Variants in PKD2L2 observed in about 807,000 individuals in gnomAD.
PKD2L2 encodes polycystin-2-like protein 2.
A neutral mutation model predicts 83.9 loss-of-function variants in PKD2L2; 67 were observed. The observed-to-expected ratio is 0.80, with a 90% CI of 0.66 to 0.98. The LOEUF is 0.98. Ranked by LOEUF, PKD2L2 falls within the 50% of genes least tolerant of loss-of-function variation. The pLI is 0.00. For missense variants in PKD2L2, 632 were observed against 717.2 expected, an observed-to-expected ratio of 0.88 and a Z score of 1.36; for synonymous variants, 223 against 237.8, an observed-to-expected ratio of 0.94 and a Z score of 0.57.
At chr5:137,918,578 T>A (rs1758588984) in intron 8 of PKD2L2, among the ~76,000 whole-genome samples, 1 of 152,200 alleles carries the variant, frequency 6.6e-6, no homozygotes, top group Non-Finnish European at 1.5e-5. Context: ...ATAAGCTACA[T>A]GCAAGCTGCT....
Position 137,892,396 on chromosome 5 carries a change from A to T in PKD2L2, c.134-84A>T, listed in dbSNP as rs1461904968. On this transcript the variant is annotated intron_variant, in intron 2 of 14. Transcript: ENST00000508883. ...AGATTAATAAAGTTTAATTTTCAAAATTGAGAAAAAAATGTAACATTTTTA... is the reference window on the plus strand; with the variant it reads ...AGATTAATAAAGTTTAATTTTCAAATTTGAGAAAAAAATGTAACATTTTTA... 8.6e-6 allele frequency: 6 copies of T among 693,964 alleles called. No homozygotes were observed. In the East Asian group the frequency reaches 1.0e-4, roughly 12 times the overall value. The allele number at this position is 693,964 out of a possible 1,614,324, so 43.0% of individuals were successfully genotyped here.
chr5:137,906,290 C>CTATG lies in PKD2L2; in HGVS notation c.832_835dup (p.Asp279ValfsTer2). Reference sequence around the variant, plus strand: ...TGAAGCTCCTCAGATATGTTAGCTACTATGACTATTTTATTGCTTCCTGTG... The same window carrying CTATG: ...TGAAGCTCCTCAGATATGTTAGCTACTATGTATGACTATTTTATTGCTTCCTGTG... On this transcript the variant is annotated frameshift_variant, in exon 6 of 15. Coordinates refer to ENST00000508883, the MANE Select transcript of PKD2L2 (RefSeq NM_001300921.2). LOFTEE classifies it high-confidence loss of function. The CTATG allele has an allele frequency of 1.2e-6, 2 of 1,611,106 alleles. No individual in the cohort carries two copies. Among genetic ancestry groups the CTATG allele is most frequent in the Non-Finnish European group, 1.7e-6 (2 of 1,177,394 alleles).
intron 8 of PKD2L2, among the ~76,000 whole-genome samples, chr5:137,918,676 T>C (rs1758597633): frequency 6.6e-6 from 1 of 152,056 alleles, no homozygotes; most frequent in African/African-American, 2.4e-5. Flanking sequence ...TGTCCAAAAT[T>C]AACAGCAATT....
intron 12 of PKD2L2, among the ~76,000 whole-genome samples, chr5:137,933,899 C>A (rs575694959): frequency 6.6e-6 from 1 of 152,150 alleles, no homozygotes; most frequent in Non-Finnish European, 1.5e-5. Context: ...GAATCCCAAA[C>A]GGTCAAGTGG....
chr5:137,913,586 G>A (rs1324442925), intron 8 of PKD2L2, among the ~76,000 whole-genome samples: 1 of 150,888 alleles, frequency 6.6e-6, no homozygotes, highest in Non-Finnish European at 1.5e-5. Flanking sequence ...CACCTCCCAG[G>A]TTCAAGCGAT....
intron 6 of PKD2L2, 77 bp from the exon 7 acceptor site, chr5:137,907,665 T>G (rs1757471751): frequency 3.7e-6 from 3 of 811,392 alleles, no homozygotes; most frequent in South Asian, 7.9e-5. Flanking sequence ...GAACTTTTTT[T>G]GTGTTTCCTC....
chr5:137,921,140 C>T, intron 8 of PKD2L2, among the ~76,000 whole-genome samples: 1 of 152,022 alleles, frequency 6.6e-6, no homozygotes, highest in Non-Finnish European at 1.5e-5. Context: ...GTGGGCGGAT[C>T]ACTTGAGGCC....
chr5:137,924,099 A>G (rs1258693102), intron 10 of PKD2L2, among the ~76,000 whole-genome samples: 1 of 152,144 alleles, frequency 6.6e-6, no homozygotes, highest in Non-Finnish European at 1.5e-5. Flanking sequence ...CCACTAGATG[A>G]GGCTTTCAGT....
Position 137,892,593 on chromosome 5 carries a change from A to G in PKD2L2, c.247A>G (p.Ser83Gly). Residue 83 changes from serine to glycine, a missense_variant, in exon 3 of 15, where the codon AGC becomes GGC. Around this residue, in one of 3 missense-constraint regions of PKD2L2, gnomAD observed 229 missense variants for 281.5 expected, o/e 0.81. Coordinates refer to ENST00000508883, the MANE Select transcript of PKD2L2 (RefSeq NM_001300921.2). The part of the protein sequence containing the change: ...EERTNFKSIR[S>G]ITDFWKFMEG... ...AAGAACCAACTTTAAGTCCATTCGC[A>G]GCATAACTGATTTTTGGAAGGTAAA... 6.2e-7 allele frequency: 1 copy of G among 1,611,386 alleles called. No homozygotes were observed. Among genetic ancestry groups the G allele is most frequent in the Non-Finnish European group, 8.5e-7 (1 of 1,179,220 alleles).
chr5:137,939,931 A>G, intron 14 of PKD2L2: 1 of 1,352,720 alleles, frequency 7.4e-7, no homozygotes, highest in South Asian at 2.2e-5. Context: ...AAAGGATAAA[A>G]TTCCAGTCTT....
rs370329843 is a variant in PKD2L2, at chr5:137,904,909, T to C, written c.747-1297T>C. ...GAAACACACCATGGCCTTTAAAATA[T>C]GTAAAAATGAATAAAACAAATAAAC... On this transcript the variant is annotated intron_variant, in intron 5 of 14. Transcript: ENST00000508883. Among the ~76,000 whole-genome samples the C allele has an allele frequency of 8.7e-4, 132 of 152,302 alleles. 1 individual carries two copies. The highest frequency in any genetic ancestry group is 3.0e-3 in the African/African-American group (125 of 41,570).
chr5:137,911,173 A>G (rs1757804663), intron 8 of PKD2L2, among the ~76,000 whole-genome samples: 1 of 152,066 alleles, frequency 6.6e-6, no homozygotes, highest in South Asian at 2.1e-4. Context: ...TTTTGTCTCT[A>G]TGATTTTGAT....
chr5:137,894,493 C>A lies in PKD2L2; in HGVS notation c.408C>A (p.Val136=). The A allele has an allele frequency of 1.2e-6, 2 of 1,613,958 alleles. No individual in the cohort carries two copies. The highest frequency in any genetic ancestry group is 1.7e-6 in the Non-Finnish European group (2 of 1,179,888). Residue 136 remains valine (V), a synonymous_variant, in exon 4 of 15, where the codon GTC becomes GTA. Transcript: ENST00000508883. ...TTCCCAGAGTTCGTCAACTAAAAGT[C>A]CGCAACAACACATGCAAAGTCTATT... ...LGVPRVRQLK[V]RNNTCKVYSS... is the part of the protein sequence containing the mutation.
rs1198256659 is a variant in PKD2L2, at chr5:137,935,820, G to GA, written c.1701dup (p.Trp568MetfsTer6). 5 of 1,607,154 alleles carry GA rather than the reference G, an allele frequency of 3.1e-6. No individual in the cohort carries two copies. Among genetic ancestry groups the GA allele is most frequent in the African/African-American group, 2.7e-5 (2 of 74,758 alleles). ...AGGAGATTCAAAACGCAGAGCAGAT[G>GA]AAAAAATGGAAAGAGAGGCTTGAGA... On this transcript the variant is annotated frameshift_variant, in exon 13 of 15. Transcript: ENST00000508883. LOFTEE classifies it high-confidence loss of function.
chr5:137,920,960 T>C (rs1758842199), intron 8 of PKD2L2, among the ~76,000 whole-genome samples: 1 of 152,128 alleles, frequency 6.6e-6, no homozygotes, highest in Non-Finnish European at 1.5e-5. Flanking sequence ...AGTTGAAAAA[T>C]CACTTGTTGA....
At chr5:137,937,712 T>C (rs1561714155) in intron 14 of PKD2L2, among the ~76,000 whole-genome samples, 1 of 152,230 alleles carries the variant, frequency 6.6e-6, no homozygotes. Context: ...TAATTCATTG[T>C]AACAAGAAAT....
chr5:137,900,629 G>GAA (rs991030866), intron 5 of PKD2L2, among the ~76,000 whole-genome samples: 12 of 152,194 alleles, frequency 7.9e-5, no homozygotes, highest in African/African-American at 2.4e-4. Flanking sequence ...CAGCAGGTGT[G>GAA]AAAACCTTGC....
intron 4 of PKD2L2, 78 bp from the exon 5 acceptor site, chr5:137,899,438 C>A (rs1756768132): frequency 9.6e-7 from 1 of 1,042,876 alleles, no homozygotes; most frequent in Non-Finnish European, 1.4e-6. Flanking sequence ...ACTTTTGAAC[C>A]AAAGATCGAT....
At chr5:137,895,877 CAAAA>C (rs375612119) in intron 4 of PKD2L2, among the ~76,000 whole-genome samples, 4 of 90,132 alleles carry the variant, frequency 4.4e-5, no homozygotes, top group Non-Finnish European at 7.0e-5. Flanking sequence ...GACACAGTCT[CAAAA>C]AAAAAAAAAA....
Sources: allele counts gnomAD v4.1 joint callset (sites outside exome capture counted in the v4.1 genomes callset), GRCh38; gene constraint gnomAD v4.1.1; regional missense constraint gnomAD v4.1.1; transcripts MANE v1.5; gene names NCBI Gene and HGNC (gene_info 2026-07-23, HGNC 2026-07-21).